Variants in PLCE1 observed in about 807,000 individuals in gnomAD.
The protein encoded by PLCE1 is phospholipase C epsilon 1, also known as 1-phosphatidylinositol 4,5-bisphosphate phosphodiesterase epsilon-1.
PLCE1 carries 119 observed loss-of-function variants against 242.8 expected under a neutral mutation model. The ratio of observed to expected loss-of-function variants is 0.49; its 90% CI spans 0.42 to 0.57. The LOEUF is 0.57. PLCE1 is among the 20% of genes least tolerant of loss of function. PLCE1 has a pLI of 0.00. For missense variants in PLCE1, 2,441 were observed against 2,788.8 expected (o/e 0.88, Z 2.81); for synonymous variants, 945 against 1,017.4 (o/e 0.93, Z 1.35).
chr10:94,185,262 G>A (rs2048437923), intron 4 of PLCE1, among the ~76,000 whole-genome samples: 1 of 152,218 alleles, frequency 6.6e-6, no homozygotes, highest in African/African-American at 2.4e-5. Flanking sequence ...ATTTTAAGAG[G>A]CTGAGGTGGA....
At chr10:94,314,461 G>A (rs1427122174) in intron 28 of PLCE1, among the ~76,000 whole-genome samples, 2 of 152,090 alleles carry the variant, frequency 1.3e-5, no homozygotes, top group African/African-American at 2.4e-5. Flanking sequence ...AGGTGTGGTG[G>A]CGCACATCTG....
Position 94,105,089 on chromosome 10 carries a change from A to G in PLCE1, c.1207-27085A>G, listed in dbSNP as rs1228035147. ...CATTCATTCGCCTCTTTGTGATGCC[A>G]TGAAAATGATAGCATGTTTGAGCTG... On this transcript the variant is annotated intron_variant, in intron 2 of 32. Transcript: ENST00000371380. 6 of 152,234 alleles carry G rather than the reference A, an allele frequency of 3.9e-5. No individual in the cohort carries two copies. The South Asian group carries it at 6.2e-4, about 16-fold the overall frequency. The allele number at this position is 152,234 out of a possible 1,614,324, so 9.4% of individuals were successfully genotyped here.
At chr10:94,109,698 G>A (rs1456405957) in intron 2 of PLCE1, among the ~76,000 whole-genome samples, 5 of 152,064 alleles carry the variant, frequency 3.3e-5, no homozygotes, top group African/African-American at 1.2e-4. Flanking sequence ...TTATAAGAAA[G>A]GTATTCTACA....
intron 24 of PLCE1, among the ~76,000 whole-genome samples, chr10:94,303,792 G>A (rs1324775432): frequency 1.3e-5 from 2 of 151,998 alleles, no homozygotes; most frequent in East Asian, 3.9e-4. Context: ...AACCAGCTAT[G>A]GATTGAAAAT....
chr10:94,252,325 C>T lies in PLCE1; in HGVS notation c.3106C>T (p.Arg1036Trp), dbSNP rs1031828990. 6.2e-6 allele frequency: 10 copies of T among 1,613,814 alleles called. No individual in the cohort carries two copies. The highest frequency in any genetic ancestry group is 3.3e-5 in the South Asian group (3 of 91,068). The change falls in exon 9 of 33, where the codon CGG becomes TGG. Residue 1036 changes from arginine to tryptophan, a missense_variant. Transcript: ENST00000371380. ...QYVSLYQEDG[R>W]YEGPTLAHAV... The stretch of plus-strand genomic sequence containing the variant: ...TGTGGCTCTTTCACAGGAGGATGGA[C>T]GGTATGAAGGCCCAACTTTGGCTCA...
intron 1 of PLCE1, among the ~76,000 whole-genome samples, chr10:94,003,670 C>A (rs1278371518): frequency 1.3e-5 from 2 of 152,126 alleles, no homozygotes; most frequent in African/African-American, 4.8e-5. Flanking sequence ...CTAAGAGTGA[C>A]AGGTGCAGCT....
chr10:94,076,795 C>T (rs2044516361), intron 2 of PLCE1, among the ~76,000 whole-genome samples: 1 of 152,194 alleles, frequency 6.6e-6, no homozygotes, highest in South Asian at 2.1e-4. Context: ...GCTGGACACC[C>T]ACCTTGAGGG....
intron 3 of PLCE1, among the ~76,000 whole-genome samples, chr10:94,151,185 T>C (rs532706509): frequency 5.3e-5 from 8 of 152,310 alleles, no homozygotes; most frequent in African/African-American, 2.4e-5. Context: ...CCCACTGCCA[T>C]CATGGAAATC....
chr10:94,124,401 A>G (rs113704100), intron 2 of PLCE1, among the ~76,000 whole-genome samples: 2 of 148,972 alleles, frequency 1.3e-5, no homozygotes, highest in African/African-American at 5.2e-5. Context: ...AAAAAAAAGA[A>G]AGAAAGAAAG....
rs1339263367 is a variant in PLCE1, at chr10:94,048,761, AGAGAGAGAGG to A, written c.1206+16528_1206+16537del. 2.3e-3 allele frequency among the ~76,000 whole-genome samples: 337 copies of A among 149,200 alleles called. 1 individual carries two copies. Among genetic ancestry groups the A allele is most frequent in the African/African-American group, 7.7e-3 (312 of 40,596 alleles). The stretch of plus-strand genomic sequence containing the variant: ...TGTATATACACACATATATATAGAG[AGAGAGAGAGG>A]GAGAGAGAGGGAGAGAGACAGAGTC... On this transcript the variant is annotated intron_variant, in intron 2 of 32. Transcript: ENST00000371380.
rs1442845526 is a variant in PLCE1, at chr10:94,032,198, A to C, written c.1152A>C (p.Thr384=). 2 of 1,613,126 alleles carry C rather than the reference A, an allele frequency of 1.2e-6. No individual in the cohort carries two copies. Among genetic ancestry groups the C allele is most frequent in the Non-Finnish European group, 8.5e-7 (1 of 1,179,590 alleles). ...PCGRVMEPPS[T]VEIRQDGSQR... ...GGAGAGTAATGGAACCCCCGTCAAC[A>C]GTGGAGATAAGGCAAGATGGGAGCC... The change falls in exon 2 of 33, where the codon ACA becomes ACC. Residue 384 remains threonine, a synonymous_variant. Coordinates refer to ENST00000371380, the MANE Select transcript of PLCE1 (RefSeq NM_016341.4).
intron 3 of PLCE1, among the ~76,000 whole-genome samples, chr10:94,161,564 A>G (rs1470801223): frequency 2.0e-5 from 3 of 152,298 alleles, no homozygotes; most frequent in Middle Eastern, 3.4e-3. Flanking sequence ...GGCTCAGACA[A>G]TGGGGTTTTC....
In PLCE1 at chr10:94,151,296, G is replaced by A. The variant is rs117687063; in HGVS notation, c.1492+18837G>A. Reference sequence around the variant, plus strand: ...GGTCTTTCACAGCATAGGACAATCAGGAGCTTGTTGCAAATATTCACTTGG... The same window carrying A: ...GGTCTTTCACAGCATAGGACAATCAAGAGCTTGTTGCAAATATTCACTTGG... On this transcript the variant is annotated intron_variant, in intron 3 of 32. Coordinates refer to ENST00000371380, the MANE Select transcript of PLCE1 (RefSeq NM_016341.4). Among the ~76,000 whole-genome samples the A allele has an allele frequency of 9.9e-4, 150 of 152,274 alleles. 2 individuals carry two copies. The highest frequency in any genetic ancestry group is 5.2e-3 in the East Asian group (27 of 5,182).
chr10:94,254,288 T>A lies in PLCE1; in HGVS notation c.3378T>A (p.Ile1126=), dbSNP rs144611511. ...GGAGTGGTTCTGATCCTCAAGACAT[T>A]AATGAACAAGAAGAATCAGGTAAAG... ...RSRSGSDPQD[I]NEQEESEVNA... is the part of the protein sequence containing the mutation. Residue 1126 remains isoleucine, a synonymous_variant, in exon 10 of 33, where the codon ATT becomes ATA. Transcript: ENST00000371380. 2.5e-6 allele frequency: 4 copies of A among 1,611,822 alleles called. No homozygotes were observed. In the East Asian group the frequency reaches 8.9e-5, roughly 36 times the overall value.
chr10:94,217,195 A>G (rs1208576032), intron 4 of PLCE1, among the ~76,000 whole-genome samples: 1 of 151,836 alleles, frequency 6.6e-6, no homozygotes, highest in Non-Finnish European at 1.5e-5. Context: ...AAATGGCAGC[A>G]GTATTAGTAC....
At chr10:94,211,372 G>A (rs879775821) in intron 4 of PLCE1, among the ~76,000 whole-genome samples, 6 of 152,250 alleles carry the variant, frequency 3.9e-5, no homozygotes, top group Non-Finnish European at 8.8e-5. Flanking sequence ...GTCCTGAGGT[G>A]ACATCTGGGC....
intron 30 of PLCE1, among the ~76,000 whole-genome samples, chr10:94,322,914 GCCACTTTACT>G (rs2053872851): frequency 6.6e-6 from 1 of 152,132 alleles, no homozygotes; most frequent in Non-Finnish European, 1.5e-5. Context: ...CCAAAATCGT[GCCACTTTACT>G]CCAGCCTGGG....
chr10:94,194,688 C>T (rs1057253819), intron 4 of PLCE1, among the ~76,000 whole-genome samples: 4 of 152,194 alleles, frequency 2.6e-5, no homozygotes, highest in African/African-American at 9.7e-5. Flanking sequence ...TCTTCAGTCT[C>T]TTCATCTGTA....
chr10:94,196,797 G>A (rs2048836662), intron 4 of PLCE1, among the ~76,000 whole-genome samples: 1 of 152,028 alleles, frequency 6.6e-6, no homozygotes, highest in Non-Finnish European at 1.5e-5. Flanking sequence ...TGGTTTGCCT[G>A]TTGCTTTCTG....
Sources: allele counts gnomAD v4.1 joint callset (sites outside exome capture counted in the v4.1 genomes callset), GRCh38; gene constraint gnomAD v4.1.1; transcripts MANE v1.5; gene names NCBI Gene and HGNC (gene_info 2026-07-23, HGNC 2026-07-21).